GMCL1: variants seen among roughly 807,000 people sequenced by gnomAD.
GMCL1 encodes the protein germ cell-less 1, spermatogenesis associated.
A neutral mutation model predicts 75.5 loss-of-function variants in GMCL1; 54 were observed. The ratio of observed to expected loss-of-function variants is 0.71; its 90% CI spans 0.57 to 0.90. The LOEUF is 0.90. Ranked by LOEUF, GMCL1 falls within the 40% of genes least tolerant of loss-of-function variation. The pLI, the probability that GMCL1 is intolerant of heterozygous loss-of-function variation, is 0.00. For missense variants in GMCL1, 537 were observed against 622.7 expected, an observed-to-expected ratio of 0.86 and a Z score of 1.47; for synonymous variants, 210 against 209.6, an observed-to-expected ratio of 1.00 and a Z score of -0.02.
chr2:69,866,868 G>A (rs1184829271), intron 11 of GMCL1, among the ~76,000 whole-genome samples: 1 of 152,062 alleles, frequency 6.6e-6, no homozygotes, highest in African/African-American at 2.4e-5. Context: ...TTGTTACTTT[G>A]AAGCAAATTC....
intron 2 of GMCL1, among the ~76,000 whole-genome samples, 158 bp from the exon 3 acceptor site, chr2:69,839,299 T>C (rs1674912487): frequency 6.6e-6 from 1 of 152,246 alleles, no homozygotes; most frequent in African/African-American, 2.4e-5. Flanking sequence ...TAATTTCTTT[T>C]CTCCTGTGGA....
chr2:69,858,901 A>G (rs1168692089), intron 9 of GMCL1, among the ~76,000 whole-genome samples: 2 of 152,012 alleles, frequency 1.3e-5, no homozygotes, highest in Non-Finnish European at 2.9e-5. Context: ...TAATCCCAGC[A>G]CTTTGGAAGG....
At chr2:69,870,620 A>G (rs1675956234) in intron 12 of GMCL1, among the ~76,000 whole-genome samples, 1 of 152,218 alleles carries the variant, frequency 6.6e-6, no homozygotes, top group Non-Finnish European at 1.5e-5. Flanking sequence ...TTGATAAGAC[A>G]TTAATACCCA....
At position 69,861,531 on chromosome 2, in the gene GMCL1, TTAGA is replaced by T. The variant is rs1314533700; in HGVS notation, c.1142+188_1142+191del. The stretch of plus-strand genomic sequence containing the variant: ...GTCTTATAAATGTCTTTCTGGTCAA[TTAGA>T]TAGTATAATGCAATTATGGAAATGT... On this transcript the variant is annotated intron_variant, in intron 10 of 13. Transcript: ENST00000282570. Among the ~76,000 whole-genome samples the T allele has an allele frequency of 3.3e-5, 5 of 152,218 alleles. No individual in the cohort carries two copies. In the East Asian group the frequency reaches 9.6e-4, roughly 29 times the overall value.
intron 6 of GMCL1, among the ~76,000 whole-genome samples, chr2:69,845,343 C>T (rs1249124497): frequency 1.6e-4 from 24 of 152,200 alleles, no homozygotes; most frequent in Admixed American, 1.6e-3. Flanking sequence ...GGACCGCAGT[C>T]ACCCGTGAGA....
intron 12 of GMCL1, among the ~76,000 whole-genome samples, chr2:69,871,265 C>T (rs1259082165): frequency 6.6e-6 from 1 of 152,132 alleles, no homozygotes. Flanking sequence ...ATAAGCCACT[C>T]ACAAAGCACA....
At position 69,872,030 on chromosome 2, in the gene GMCL1, G is replaced by A. The variant is rs550981634; in HGVS notation, c.1452+198G>A. Among the ~76,000 whole-genome samples, 21 of 152,128 alleles carry A rather than the reference G, an allele frequency of 1.4e-4. 1 individual carries two copies. In the South Asian group the frequency reaches 4.1e-3, roughly 30 times the overall value. Reference sequence around the variant, plus strand: ...CCCATCCCAATGGAAGCATAATTAGGAGAAAAAAAGAAAACACTGTTTGAG... The same window carrying A: ...CCCATCCCAATGGAAGCATAATTAGAAGAAAAAAAGAAAACACTGTTTGAG... On this transcript the variant is annotated intron_variant, in intron 13 of 13. Transcript: ENST00000282570.
At chr2:69,872,617 G>A (rs1478194460) in intron 13 of GMCL1, among the ~76,000 whole-genome samples, 1 of 152,112 alleles carries the variant, frequency 6.6e-6, no homozygotes, top group Non-Finnish European at 1.5e-5. Flanking sequence ...CCCTATATGA[G>A]AACTTCTTTT....
At chr2:69,835,022 T>C (rs905544265) in intron 1 of GMCL1, among the ~76,000 whole-genome samples, 6 of 152,252 alleles carry the variant, frequency 3.9e-5, no homozygotes, top group African/African-American at 1.4e-4. Flanking sequence ...TGAAATGTGC[T>C]GTGATCCATG....
At chr2:69,867,628 T>C (rs549689982) in intron 11 of GMCL1, among the ~76,000 whole-genome samples, 67 of 152,348 alleles carry the variant, frequency 4.4e-4, no homozygotes, top group African/African-American at 1.6e-3. Flanking sequence ...CCCTTGCTTA[T>C]ACTCTTTTAA....
chr2:69,873,849 C>T (rs1401039290), intron 13 of GMCL1: 3 of 168,066 alleles, frequency 1.8e-5, no homozygotes, highest in Admixed American at 6.5e-5. Flanking sequence ...AATGGGGTCA[C>T]CTGGCCTGGG....
At chr2:69,837,803 A>G in intron 2 of GMCL1, 133 bp downstream of exon 2, 3 of 1,051,630 alleles carry the variant, frequency 2.9e-6, no homozygotes, top group Non-Finnish European at 4.0e-6. Context: ...ATCAGTCTGT[A>G]AGAAAAATGG....
chr2:69,863,189 C>T (rs1675709626), intron 10 of GMCL1, among the ~76,000 whole-genome samples: 1 of 152,168 alleles, frequency 6.6e-6, no homozygotes, highest in South Asian at 2.1e-4. Flanking sequence ...AAAGTTGGCT[C>T]TCCATATACA....
chr2:69,869,278 C>T (rs1006991029), intron 11 of GMCL1, among the ~76,000 whole-genome samples: 4 of 130,428 alleles, frequency 3.1e-5, no homozygotes, highest in African/African-American at 8.8e-5. Flanking sequence ...ATTAGCCGGG[C>T]GTGGTGGCAG....
Position 69,874,683 on chromosome 2 carries a change from T to C in GMCL1, c.1452+2851T>C, listed in dbSNP as rs1311289040. 5.3e-5 allele frequency among the ~76,000 whole-genome samples: 8 copies of C among 152,260 alleles called. 1 individual carries two copies. The South Asian group carries it at 1.7e-3, about 32-fold the overall frequency. On this transcript the variant is annotated intron_variant, in intron 13 of 13. Coordinates refer to ENST00000282570, the MANE Select transcript of GMCL1 (RefSeq NM_178439.5). ...TTTTATTAAAATTTCATTTTTTTCT[T>C]GCTAATTTTTAACAGCTTTTATATA... is the stretch of plus-strand genomic sequence containing the variant.
rs889684474 is a variant in GMCL1, at chr2:69,861,349, T to C, written c.1142+2T>C. 2.5e-6 allele frequency: 4 copies of C among 1,592,502 alleles called. No individual in the cohort carries two copies. The highest frequency in any genetic ancestry group is 3.4e-6 in the Non-Finnish European group (4 of 1,162,834). On this transcript the variant is annotated splice_donor_variant, in intron 10 of 13. Transcript: ENST00000282570. LOFTEE classifies it high-confidence loss of function. ...GGCAGAACAGGACAGTGAGGTGGGG[T>C]AAGTATATTATACCTTATCATTTTT...
In GMCL1 at chr2:69,877,183, G is replaced by A. The variant is rs145296993; in HGVS notation, c.1453-1726G>A. On this transcript the variant is annotated intron_variant, in intron 13 of 13. Coordinates refer to ENST00000282570, the MANE Select transcript of GMCL1 (RefSeq NM_178439.5). The stretch of plus-strand genomic sequence containing the variant: ...GCTATAAAGGTACTTCAATGCAAAT[G>A]TAGATGCAGATTGAACCTTTAGGTG... Among the ~76,000 whole-genome samples the A allele has an allele frequency of 2.0e-5, 3 of 152,344 alleles. No homozygotes were observed. In the East Asian group the frequency reaches 5.8e-4, roughly 29 times the overall value.
chr2:69,871,411 G>A lies in GMCL1; in HGVS notation c.1365-334G>A, dbSNP rs553487630. Among the ~76,000 whole-genome samples the A allele has an allele frequency of 1.3e-4, 20 of 152,282 alleles. No individual in the cohort carries two copies. The South Asian group carries it at 3.9e-3, about 30-fold the overall frequency. On this transcript the variant is annotated intron_variant, in intron 12 of 13. Coordinates refer to ENST00000282570, the MANE Select transcript of GMCL1 (RefSeq NM_178439.5). ...TGTTTAATGGGTAAGGAGCTTCAGC[G>A]AGGGAAAATTAAAATGTTCTAGAGA...
chr2:69,857,623 T>C (rs1426172225), intron 9 of GMCL1, among the ~76,000 whole-genome samples: 1 of 152,242 alleles, frequency 6.6e-6, no homozygotes, highest in East Asian at 1.9e-4. Flanking sequence ...TTATTATACA[T>C]AAGCATTTTT....
Sources: allele counts gnomAD v4.1 joint callset (sites outside exome capture counted in the v4.1 genomes callset), GRCh38; gene constraint gnomAD v4.1.1; transcripts MANE v1.5; gene names NCBI Gene and HGNC (gene_info 2026-07-23, HGNC 2026-07-21).